TRDMT1: variants seen among roughly 807,000 people sequenced by gnomAD.
TRDMT1 encodes tRNA (cytosine(38)-C(5))-methyltransferase.
In TRDMT1, 49 loss-of-function variants were observed where a neutral mutation model predicts 51.2. The ratio of observed to expected loss-of-function variants is 0.96; its 90% CI spans 0.76 to 1.21. The LOEUF (loss-of-function observed/expected upper bound fraction) is 1.21, where lower values mean the gene tolerates loss of function less well. Ranked by LOEUF, TRDMT1 falls within the 50% of genes most tolerant of loss-of-function variation. TRDMT1 has a pLI of 0.00. For synonymous variants in TRDMT1, 187 were observed against 164.6 expected, an observed-to-expected ratio of 1.14 and a Z score of -1.04; for missense variants, 534 against 462.3, an observed-to-expected ratio of 1.16 and a Z score of -1.42.
chr10:17,176,452 C>T (rs1383341973), intron 1 of TRDMT1, among the ~76,000 whole-genome samples: 2 of 152,060 alleles, frequency 1.3e-5, no homozygotes, highest in African/African-American at 4.8e-5. Context: ...AAATCAACTG[C>T]CAAATGAGTA....
rs141886485 is a variant in TRDMT1, at chr10:17,147,499, C to T, written c.*1541G>A. 4 of 322,566 alleles carry T rather than the reference C, an allele frequency of 1.2e-5. No homozygotes were observed. The highest frequency in any genetic ancestry group is 9.0e-5 in the African/African-American group (4 of 44,658). The allele number at this position is 322,566 out of a possible 1,614,324, so 20.0% of individuals were successfully genotyped here. ...TTGTGCAACCATCCTCCCCATCCAC[C>T]TCCAGAACTTTCTCATCACCCCAAT... is the stretch of plus-strand genomic sequence containing the variant. On this transcript the variant is annotated 3_prime_UTR_variant, in exon 11 of 11. Transcript: ENST00000377799.
chr10:17,138,837 C>A lies in TRDMT1; in HGVS notation c.*10203G>T, dbSNP rs1218626504. Among the ~76,000 whole-genome samples the A allele has an allele frequency of 6.6e-6, 1 of 151,574 alleles. No individual in the cohort carries two copies. The highest frequency in any genetic ancestry group is 2.4e-5 in the African/African-American group (1 of 41,188). On this transcript the variant is annotated 3_prime_UTR_variant, in exon 11 of 11. Transcript: ENST00000377799. Reference sequence around the variant, plus strand: ...CGAAATTCAAATCCAGAGGGACAAACGCAATAGGGGAATAGGGCTTTGGAG... The same window carrying A: ...CGAAATTCAAATCCAGAGGGACAAAAGCAATAGGGGAATAGGGCTTTGGAG...
At chr10:17,155,171 G>A (rs1167751059) in intron 8 of TRDMT1, among the ~76,000 whole-genome samples, 3 of 152,058 alleles carry the variant, frequency 2.0e-5, no homozygotes, top group East Asian at 1.9e-4. Flanking sequence ...CCAAGATCAC[G>A]CCACTGCACT....
At chr10:17,152,055 T>A in intron 10 of TRDMT1, 1 of 1,301,734 alleles carries the variant, frequency 7.7e-7, no homozygotes, top group Non-Finnish European at 1.0e-6. Context: ...TTTAATTGAA[T>A]AGTTAATCTC....
At chr10:17,194,797 G>C (rs1392425546) in intron 1 of TRDMT1, among the ~76,000 whole-genome samples, 1 of 151,944 alleles carries the variant, frequency 6.6e-6, no homozygotes, top group Admixed American at 6.6e-5. Context: ...GCCAAGCGTG[G>C]TCGTGGGCAC....
At position 17,153,455 on chromosome 10, in the gene TRDMT1, T is replaced by C. The variant is rs753719393; in HGVS notation, c.1075+52A>G. 1.9e-6 allele frequency: 3 copies of C among 1,602,188 alleles called. No individual in the cohort carries two copies. The South Asian group carries it at 3.4e-5, about 18-fold the overall frequency. ...TCCTAGACACACAAGTCCCTAAAGATTTTTGAGAGTTTTAATACATGAAAG... is the reference window on the plus strand; with the variant it reads ...TCCTAGACACACAAGTCCCTAAAGACTTTTGAGAGTTTTAATACATGAAAG... On this transcript the variant is annotated intron_variant, in intron 10 of 10. Coordinates refer to ENST00000377799, the MANE Select transcript of TRDMT1 (RefSeq NM_004412.7).
intron 10 of TRDMT1, chr10:17,150,272 T>C (rs146920123): frequency 1.3e-3 from 639 of 484,590 alleles, no homozygotes; most frequent in Admixed American, 2.9e-3. Flanking sequence ...CATTTATCTA[T>C]TCCTTTTGGA....
intron 5 of TRDMT1, 125 bp from the exon 6 acceptor site, chr10:17,160,499 T>C: frequency 1.9e-6 from 1 of 533,134 alleles, no homozygotes; most frequent in South Asian, 3.7e-5. Context: ...TGAGACAGAG[T>C]CTCACTCTGT....
chr10:17,199,463 T>C (rs757773349), intron 1 of TRDMT1, among the ~76,000 whole-genome samples: 34 of 152,164 alleles, frequency 2.2e-4, no homozygotes, highest in Non-Finnish European at 4.4e-5. Flanking sequence ...TTCGAGGGTT[T>C]GAGGAGTAGA....
chr10:17,193,265 A>G (rs1238803547), intron 1 of TRDMT1, among the ~76,000 whole-genome samples: 1 of 152,204 alleles, frequency 6.6e-6, no homozygotes, highest in Non-Finnish European at 1.5e-5. Context: ...CAGGAGGCTG[A>G]GGCAGGAGAA....
intron 1 of TRDMT1, among the ~76,000 whole-genome samples, chr10:17,193,710 A>G (rs1047948444): frequency 6.6e-6 from 1 of 152,206 alleles, no homozygotes; most frequent in Admixed American, 6.5e-5. Context: ...CAAAAAATCA[A>G]TGTTGTTAAA....
At chr10:17,168,264 C>T (rs1435822880) in intron 3 of TRDMT1, among the ~76,000 whole-genome samples, 1 of 152,150 alleles carries the variant, frequency 6.6e-6, no homozygotes, top group African/African-American at 2.4e-5. Context: ...GATCATGCCA[C>T]TGCACTGCAG....
rs1483023856 is a variant in TRDMT1, at chr10:17,142,288, A to C, written c.*6752T>G. 3 of 152,052 alleles carry C rather than the reference A, an allele frequency of 2.0e-5. No homozygotes were observed. Among genetic ancestry groups the C allele is most frequent in the Non-Finnish European group, 4.4e-5 (3 of 68,014 alleles). 9.4% of individuals were successfully genotyped at this position (152,052 alleles called of 1,614,324 possible). On this transcript the variant is annotated 3_prime_UTR_variant, in exon 11 of 11. Coordinates refer to ENST00000377799, the MANE Select transcript of TRDMT1 (RefSeq NM_004412.7). ...TTTATTTTTAGTAGGCAGTCACTCC[A>C]TTTGTGTTTAGCATGCAAGCCCTGG... is the stretch of plus-strand genomic sequence containing the variant.
intron 1 of TRDMT1, among the ~76,000 whole-genome samples, chr10:17,192,537 C>T (rs901089070): frequency 1.7e-4 from 26 of 152,206 alleles, no homozygotes; most frequent in South Asian, 6.2e-4. Flanking sequence ...CAGACATTTC[C>T]GGAAACACGC....
intron 8 of TRDMT1, among the ~76,000 whole-genome samples, chr10:17,156,446 G>C (rs1839525596): frequency 1.3e-5 from 2 of 152,028 alleles, no homozygotes; most frequent in Admixed American, 1.3e-4. Flanking sequence ...TGTTGGCCAG[G>C]CTAGTCTCAA....
At chr10:17,162,527 C>T (rs12772261) in intron 3 of TRDMT1, among the ~76,000 whole-genome samples, 44,221 of 151,728 alleles carry the variant, frequency 0.29, 6,606 homozygotes, top group Middle Eastern at 0.4. Context: ...GCCGACATGG[C>T]GAAACCCTGT....
rs1268704225 is a variant in TRDMT1 at position 17,146,786 on chromosome 10, CA to C, written c.*2253del. ...CAAATTTTATATACAGCATTATTACCAAAAGCATATAGCAGACATTCCATAA... is the reference window on the plus strand; with the variant it reads ...CAAATTTTATATACAGCATTATTACCAAAGCATATAGCAGACATTCCATAA... On this transcript the variant is annotated 3_prime_UTR_variant, in exon 11 of 11. Coordinates refer to ENST00000377799, the MANE Select transcript of TRDMT1 (RefSeq NM_004412.7). 1 of 985,152 alleles carries C rather than the reference CA, an allele frequency of 1.0e-6. No individual in the cohort carries two copies. The highest frequency in any genetic ancestry group is 1.2e-6 in the Non-Finnish European group (1 of 829,888). 61.0% of individuals were successfully genotyped at this position (985,152 alleles called of 1,614,324 possible). A position where few individuals can be genotyped will look rare whatever the true frequency, so the allele number is the denominator to read the frequency against.
rs1361968537 is a variant in TRDMT1, at chr10:17,144,956, T to C, written c.*4084A>G. 17 of 985,018 alleles carry C rather than the reference T, an allele frequency of 1.7e-5. No individual in the cohort carries two copies. The highest frequency in any genetic ancestry group is 1.9e-5 in the Non-Finnish European group (16 of 829,888). The allele number at this position is 985,018 out of a possible 1,614,324, so 61.0% of individuals were successfully genotyped here. On this transcript the variant is annotated 3_prime_UTR_variant, in exon 11 of 11. Coordinates refer to ENST00000377799, the MANE Select transcript of TRDMT1 (RefSeq NM_004412.7). ...ATGCTTAATGCCTTTTTAAAAAACATGCAAAGGGAGGCTGGGCGTGGTGGC... is the reference window on the plus strand; with the variant it reads ...ATGCTTAATGCCTTTTTAAAAAACACGCAAAGGGAGGCTGGGCGTGGTGGC...
chr10:17,164,666 C>G (rs1376785522), intron 3 of TRDMT1, among the ~76,000 whole-genome samples: 1 of 152,180 alleles, frequency 6.6e-6, no homozygotes, highest in Non-Finnish European at 1.5e-5. Context: ...GCAACTTCAG[C>G]AAAGTCTCAG....
Sources: gnomAD v4.1 joint callset for allele counts (sites outside exome capture counted in the v4.1 genomes callset) on GRCh38, gnomAD v4.1.1 for gene constraint, MANE v1.5 for transcripts, NCBI Gene and HGNC (gene_info 2026-07-23, HGNC 2026-07-21) for gene names.